HTT: variants seen among roughly 807,000 people sequenced by gnomAD.
HTT encodes huntington disease protein.
Under a neutral mutation model 362.3 loss-of-function variants are expected in HTT, and 104 were observed. The observed-to-expected ratio is 0.29, with a 90% CI of 0.24 to 0.34. The LOEUF is 0.34. Among genes scored for constraint, HTT ranks in the 10% least tolerant of loss-of-function variants. HTT has a pLI of 1.00. For missense variants in HTT, 3,301 were observed against 3,928.6 expected, an observed-to-expected ratio of 0.84 and a Z score of 4.27; for synonymous variants, 1,577 against 1,548.7, an observed-to-expected ratio of 1.02 and a Z score of -0.43.
intron 49 of HTT, 73 bp from the exon 50 acceptor site, chr4:3,213,885 A>C: frequency 7.2e-7 from 1 of 1,381,892 alleles, no homozygotes; most frequent in Admixed American, 2.5e-5. Flanking sequence ...ACGGTTCCAC[A>C]ACTGTGATTC....
intron 24 of HTT, 24 bp from the exon 25 acceptor site, chr4:3,146,773 G>T: frequency 1.2e-6 from 2 of 1,608,576 alleles, no homozygotes; most frequent in South Asian, 1.1e-5. Flanking sequence ...TCTATAATTT[G>T]ACTTTGCAAA....
At chr4:3,137,431 G>A (rs755101630) in intron 21 of HTT, among the ~76,000 whole-genome samples, 5 of 151,950 alleles carry the variant, frequency 3.3e-5, no homozygotes, top group Non-Finnish European at 4.4e-5. Flanking sequence ...TTCGCCAGGC[G>A]CTCATGCCTG....
At chr4:3,095,055 G>A (rs1329961236) in intron 2 of HTT, among the ~76,000 whole-genome samples, 1 of 152,058 alleles carries the variant, frequency 6.6e-6, no homozygotes, top group Non-Finnish European at 1.5e-5. Flanking sequence ...GGGCAGCCAG[G>A]CAGAGGGGCT....
intron 24 of HTT, 22 bp downstream of exon 24, chr4:3,145,250 T>C (rs746441137): frequency 7.6e-6 from 11 of 1,454,042 alleles, no homozygotes; most frequent in East Asian, 4.5e-5. Context: ...CCTCAGTATA[T>C]ATTAATAGTT....
chr4:3,215,622 A>G (rs1720362023), intron 51 of HTT, among the ~76,000 whole-genome samples: 1 of 152,016 alleles, frequency 6.6e-6, no homozygotes, highest in Non-Finnish European at 1.5e-5. Flanking sequence ...GAATAAATAA[A>G]TGTTTCCCAC....
At position 3,105,325 on chromosome 4, in the gene HTT, C is replaced by T. The variant is rs113739392; in HGVS notation, c.529-32C>T. ...AACCCTCTTGGTGACTAGTATGTGACTCTTAATGCAACCCTCATTGCACCC... is the reference window on the plus strand; with the variant it reads ...AACCCTCTTGGTGACTAGTATGTGATTCTTAATGCAACCCTCATTGCACCC... On this transcript the variant is annotated intron_variant, in intron 4 of 66. Coordinates refer to ENST00000355072, the MANE Select transcript of HTT (RefSeq NM_001388492.1). 2.9e-3 allele frequency: 4,265 copies of T among 1,474,612 alleles called. 85 individuals carry two copies. The African/African-American group carries it at 0.047, about 16-fold the overall frequency. 91.3% of individuals were successfully genotyped at this position (1,474,612 alleles called of 1,614,324 possible). A position where few individuals can be genotyped will look rare whatever the true frequency, so the allele number is the denominator to read the frequency against.
chr4:3,099,519 T>G, intron 3 of HTT, 125 bp downstream of exon 3: 4 of 1,343,414 alleles, frequency 3.0e-6, no homozygotes, highest in Non-Finnish European at 4.1e-6. Context: ...TCCTTTCTGA[T>G]GTATGGTTTG....
intron 2 of HTT, among the ~76,000 whole-genome samples, chr4:3,088,848 G>T (rs1297938114): frequency 6.6e-6 from 1 of 151,844 alleles, no homozygotes. Context: ...CATTTCTGTT[G>T]TTTGTGAAAT....
intron 8 of HTT, among the ~76,000 whole-genome samples, chr4:3,120,519 G>A (rs905746478): frequency 1.3e-5 from 2 of 152,216 alleles, no homozygotes; most frequent in Non-Finnish European, 1.5e-5. Context: ...GAACCAGGCT[G>A]CCCAGCAGGA....
intron 12 of HTT, chr4:3,129,695 G>A (rs902128208): frequency 2.6e-5 from 10 of 381,236 alleles, no homozygotes; most frequent in African/African-American, 4.2e-5. Context: ...GAATTTTTTT[G>A]GAGTTTTTAG....
chr4:3,147,381 G>T (rs148909465), intron 25 of HTT, among the ~76,000 whole-genome samples: 1 of 152,288 alleles, frequency 6.6e-6, no homozygotes, highest in African/African-American at 2.4e-5. Context: ...TTATGGGCTG[G>T]TAGGAAAGAG....
At chr4:3,125,435 C>T (rs978951774) in intron 10 of HTT, 114 bp from the exon 11 acceptor site, 1 of 634,440 alleles carries the variant, frequency 1.6e-6, no homozygotes, top group Non-Finnish European at 2.8e-6. Context: ...TGATGATAAA[C>T]TATATTAGAG....
Position 3,134,508 on chromosome 4 carries a change from G to T in HTT, c.2601G>T (p.Glu867Asp), listed in dbSNP as rs769180000. The T allele has an allele frequency of 3.7e-6, 6 of 1,613,980 alleles. No individual in the cohort carries two copies. The African/African-American group carries it at 8.0e-5, about 22-fold the overall frequency. The change falls in exon 19 of 67, where the codon GAG becomes GAT. Residue 867 changes from glutamate to aspartate, a missense_variant. By Grantham distance (45) the Glu-to-Asp change is conservative. Around this residue, in one of 4 missense-constraint regions of HTT, gnomAD observed 2,316 missense variants for 2,658.5 expected, o/e 0.87. Transcript: ENST00000355072. ...GTTCCTATTGGCTGGTGAGGACAGA[G>T]CTTCTGGAAACCCTTGCAGAGATTG... Reference protein sequence around the residue: ...RNSSYWLVRTELLETLAEIDF... With the variant: ...RNSSYWLVRTDLLETLAEIDF...
At chr4:3,220,848 G>A (rs914072005) in intron 53 of HTT, among the ~76,000 whole-genome samples, 3 of 152,142 alleles carry the variant, frequency 2.0e-5, no homozygotes, top group African/African-American at 7.2e-5. Context: ...GCAGCGCAGG[G>A]CAAGTCCGTC....
chr4:3,236,570 A>G (rs1049686740), intron 64 of HTT, among the ~76,000 whole-genome samples: 3 of 152,062 alleles, frequency 2.0e-5, no homozygotes, highest in African/African-American at 7.2e-5. Flanking sequence ...AGCCTCTGGG[A>G]GGGTGGGGCA....
At chr4:3,189,896 G>A (rs768451422) in intron 40 of HTT, among the ~76,000 whole-genome samples, 15 of 152,108 alleles carry the variant, frequency 9.9e-5, no homozygotes, top group Admixed American at 5.9e-4. Flanking sequence ...TGTGCATGTG[G>A]TCCCAGCTAC....
intron 62 of HTT, 65 bp from the exon 63 acceptor site, chr4:3,235,497 GGGA>G (rs1721484604): frequency 6.5e-7 from 1 of 1,546,738 alleles, no homozygotes; most frequent in South Asian, 1.1e-5. Flanking sequence ...TGACTTGGTC[GGGA>G]GGAGGCATGA....
chr4:3,205,463 T>C (rs1427518436), intron 42 of HTT, among the ~76,000 whole-genome samples: 1 of 152,296 alleles, frequency 6.6e-6, no homozygotes, highest in South Asian at 2.1e-4. Flanking sequence ...ATTGAAGTAG[T>C]TTTTCTATTT....
intron 31 of HTT, 122 bp downstream of exon 31, chr4:3,173,253 A>G: frequency 1.4e-6 from 1 of 739,506 alleles, no homozygotes; most frequent in Non-Finnish European, 2.3e-6. Flanking sequence ...TGCTGTATTC[A>G]GAGAACTCTA....
Sources: allele counts gnomAD v4.1 joint callset (sites outside exome capture counted in the v4.1 genomes callset), GRCh38; gene constraint gnomAD v4.1.1; regional missense constraint gnomAD v4.1.1; transcripts MANE v1.5; gene names NCBI Gene and HGNC (gene_info 2026-07-23, HGNC 2026-07-21).